The following KLHL8 variants were observed in gnomAD, a reference collection of about 807,000 sequenced individuals.
The protein encoded by KLHL8 is kelch-like protein 8.
Under a neutral mutation model 63.5 loss-of-function variants are expected in KLHL8, and 38 were observed. The observed-to-expected ratio is 0.60, with a 90% CI of 0.46 to 0.78. The LOEUF is 0.78. Among genes scored for constraint, KLHL8 ranks in the 30% least tolerant of loss-of-function variants. KLHL8 has a pLI of 0.00. For missense variants in KLHL8, 566 were observed against 752.4 expected, an observed-to-expected ratio of 0.75 and a Z score of 2.90; for synonymous variants, 224 against 254.3, an observed-to-expected ratio of 0.88 and a Z score of 1.13.
At position 87,161,694 on chromosome 4, in the gene KLHL8, G is replaced by A. The variant is rs3204865; in HGVS notation, c.*1825C>T. 5,846 of 152,270 alleles carry A rather than the reference G, an allele frequency of 0.038. 150 individuals are homozygous for A. The highest frequency in any genetic ancestry group is 0.11 in the Middle Eastern group (31 of 294). The allele number at this position is 152,270 out of a possible 1,614,324, so 9.4% of individuals were successfully genotyped here. Reference sequence around the variant, plus strand: ...CATAAGAAATAGACATTGAAGCCAGGTTTTGACACTTATTCTCCACATCCA... The same window carrying A: ...CATAAGAAATAGACATTGAAGCCAGATTTTGACACTTATTCTCCACATCCA... On this transcript the variant is annotated 3_prime_UTR_variant, in exon 10 of 10. Transcript: ENST00000273963.
intron 1 of KLHL8, among the ~76,000 whole-genome samples, chr4:87,213,918 A>T (rs1732496183): frequency 6.6e-6 from 1 of 152,230 alleles, no homozygotes; most frequent in African/African-American, 2.4e-5. Context: ...TTAATTGTGC[A>T]GCCTCGGGCA....
chr4:87,226,604 A>T lies in KLHL8; in HGVS notation n.58-5214T>A, dbSNP rs552550524. Among the ~76,000 whole-genome samples, 14 of 65,324 alleles carry T rather than the reference A, an allele frequency of 2.1e-4. No homozygotes were observed. The South Asian group carries it at 5.8e-3, about 27-fold the overall frequency. 42.9% of individuals were successfully genotyped at this position (65,324 alleles called of 152,430 possible). On this transcript the variant is annotated intron_variant and non_coding_transcript_variant, in intron 1 of 1. Coordinates refer to the KLHL8 transcript ENST00000506274. ...CTCTCTATATATATAAATAATATAT[A>T]TATTATTTATATAAATAATATATAT... is the stretch of plus-strand genomic sequence containing the variant.
chr4:87,207,443 T>C, intron 1 of KLHL8: 1 of 715,158 alleles, frequency 1.4e-6, no homozygotes, highest in Non-Finnish European at 2.6e-6. Context: ...AAAAGGGTCA[T>C]CATCTCTCCC....
chr4:87,165,120 A>G (rs1193151562), intron 8 of KLHL8, among the ~76,000 whole-genome samples: 4 of 143,716 alleles, frequency 2.8e-5, no homozygotes, highest in Non-Finnish European at 6.1e-5. Flanking sequence ...ACTGCACTCC[A>G]GCCTGGGCGA....
intron 2 of KLHL8, among the ~76,000 whole-genome samples, chr4:87,186,365 TG>T (rs1731254631): frequency 1.3e-5 from 2 of 152,072 alleles, no homozygotes; most frequent in South Asian, 4.1e-4. Context: ...TATATGTATC[TG>T]TAACATACAC....
intron 2 of KLHL8, among the ~76,000 whole-genome samples, chr4:87,188,954 T>C (rs1401075355): frequency 6.6e-6 from 1 of 152,210 alleles, no homozygotes; most frequent in Non-Finnish European, 1.5e-5. Context: ...CAAGATAGTA[T>C]TACGAAAGAA....
chr4:87,179,715 C>T lies in KLHL8; in HGVS notation c.953-1095G>A, dbSNP rs537854927. 6.6e-5 allele frequency among the ~76,000 whole-genome samples: 10 copies of T among 152,040 alleles called. 1 individual carries two copies. The highest frequency in any genetic ancestry group is 5.9e-5 in the Non-Finnish European group (4 of 67,980). ...TCACTTGAGCCCATGATTTCAATGC[C>T]GCAGTGAGCTATGATTGCACCACTG... On this transcript the variant is annotated intron_variant, in intron 4 of 9. Transcript: ENST00000273963.
At chr4:87,172,986 G>A (rs1156682674) in intron 6 of KLHL8, among the ~76,000 whole-genome samples, 1 of 152,012 alleles carries the variant, frequency 6.6e-6, no homozygotes, top group African/African-American at 2.4e-5. Flanking sequence ...AAATATCCTT[G>A]GCAAACTTGA....
intron 1 of KLHL8, among the ~76,000 whole-genome samples, chr4:87,217,407 C>T (rs937054320): frequency 6.6e-6 from 1 of 152,034 alleles, no homozygotes; most frequent in African/African-American, 2.4e-5. Context: ...AATCATGGCT[C>T]ACTGCAGCCT....
intron 2 of KLHL8, among the ~76,000 whole-genome samples, chr4:87,193,769 C>T (rs1178370587): frequency 6.6e-6 from 1 of 152,144 alleles, no homozygotes; most frequent in African/African-American, 2.4e-5. Context: ...ATGATAGCTA[C>T]AACATTACTA....
intron 3 of KLHL8, among the ~76,000 whole-genome samples, chr4:87,184,222 A>G (rs1731164748): frequency 6.6e-6 from 1 of 152,250 alleles, no homozygotes; most frequent in Non-Finnish European, 1.5e-5. Flanking sequence ...CTTTGCTGAC[A>G]AACTTACTTT....
At chr4:87,165,200 C>T (rs1730352367) in intron 8 of KLHL8, among the ~76,000 whole-genome samples, 1 of 149,360 alleles carries the variant, frequency 6.7e-6, no homozygotes, top group Middle Eastern at 3.5e-3. Context: ...TCAAGTCAAC[C>T]TCTCTAATGG....
Position 87,195,694 on chromosome 4 carries a change from A to G in KLHL8, c.-151-4T>C, listed in dbSNP as rs1341657453. The G allele has an allele frequency of 1.0e-5, 6 of 571,766 alleles. No homozygotes were observed. Among genetic ancestry groups the G allele is most frequent in the Non-Finnish European group, 1.5e-5 (5 of 328,498 alleles). The allele number at this position is 571,766 out of a possible 1,614,324, so 35.4% of individuals were successfully genotyped here. On this transcript the variant is annotated splice_polypyrimidine_tract_variant and splice_region_variant and intron_variant, in intron 1 of 9. Transcript: ENST00000273963. ...GCCATTGTACAGTTTGCTGTGACTG[A>G]AAAATCAACAATAAAACAGGTAGAG...
intron 3 of KLHL8, among the ~76,000 whole-genome samples, chr4:87,184,537 G>GA (rs1318847717): frequency 1.3e-5 from 2 of 151,478 alleles, no homozygotes; most frequent in Non-Finnish European, 2.9e-5. Context: ...ATTTAATTTA[G>GA]AAAAAATAAG....
At chr4:87,221,207 C>T (rs758276947), upstream of KLHL8, 7 of 152,036 alleles carry the variant, frequency 4.6e-5, no homozygotes, top group Admixed American at 3.3e-4. Context: ...CCATCCTGGC[C>T]AACATGGTGA....
At chr4:87,228,118 A>G (rs1733066421) in intron 1 of KLHL8, among the ~76,000 whole-genome samples, 1 of 152,154 alleles carries the variant, frequency 6.6e-6, no homozygotes, top group South Asian at 2.1e-4. Flanking sequence ...TCCTGACTCT[A>G]TGAGGAAAGG....
At chr4:87,218,431 A>G (rs1223927305) in intron 1 of KLHL8, among the ~76,000 whole-genome samples, 2 of 151,748 alleles carry the variant, frequency 1.3e-5, no homozygotes, top group African/African-American at 4.8e-5. Context: ...GTTGGCCAGG[A>G]TGGTCTTGAT....
chr4:87,208,876 A>G (rs1732272420), intron 1 of KLHL8, among the ~76,000 whole-genome samples: 1 of 152,228 alleles, frequency 6.6e-6, no homozygotes, highest in Non-Finnish European at 1.5e-5. Flanking sequence ...AAAGGGCTTT[A>G]ATAAATATTC....
intron 1 of KLHL8, among the ~76,000 whole-genome samples, chr4:87,230,282 C>A (rs563140905): frequency 6.6e-6 from 1 of 152,180 alleles, no homozygotes; most frequent in Admixed American, 6.5e-5. Context: ...TCCTGCCCTT[C>A]CCTTTGACCT....
Sources: gnomAD v4.1 joint callset for allele counts (sites outside exome capture counted in the v4.1 genomes callset) on GRCh38, gnomAD v4.1.1 for gene constraint, MANE v1.5 for transcripts, NCBI Gene and HGNC (gene_info 2026-07-23, HGNC 2026-07-21) for gene names.